JPH3: variants seen among roughly 807,000 people sequenced by gnomAD.
JPH3 encodes junctophilin 3, also known as junctophilin-3.
JPH3 carries 11 observed loss-of-function variants against 59.6 expected under a neutral mutation model. The observed-to-expected ratio is 0.18, with a 90% CI of 0.12 to 0.31. JPH3 has a LOEUF of 0.31. Among genes scored for constraint, JPH3 ranks in the 10% least tolerant of loss-of-function variants. JPH3 has a pLI of 1.00. For missense variants in JPH3, 1,202 were observed against 1,105.7 expected, an observed-to-expected ratio of 1.09 and a Z score of -1.24; for synonymous variants, 673 against 483.6, an observed-to-expected ratio of 1.39 and a Z score of -5.14.
Position 87,684,278 on chromosome 16 carries a change from C to T in JPH3, c.1285+12C>T, listed in dbSNP as rs73240194. The T allele has an allele frequency of 1.3e-3, 2,069 of 1,613,512 alleles. 26 individuals carry two copies. The African/African-American group carries it at 0.025, about 19-fold the overall frequency. On this transcript the variant is annotated intron_variant, in intron 3 of 4. Transcript: ENST00000284262. ...GCACCGGGAAAACGGTGAGTCTCGC[C>T]GGGCCTGATACTGGCATCGTGGGGA...
At chr16:87,638,471 A>T (rs988973042) in intron 1 of JPH3, among the ~76,000 whole-genome samples, 4 of 152,164 alleles carry the variant, frequency 2.6e-5, no homozygotes, top group African/African-American at 9.7e-5. Flanking sequence ...TGATCCACAG[A>T]CCAGGACTGT....
chr16:87,680,228 C>T (rs945788105), intron 2 of JPH3, among the ~76,000 whole-genome samples: 3 of 152,272 alleles, frequency 2.0e-5, no homozygotes, highest in Non-Finnish European at 4.4e-5. Context: ...TGCCTTGGAA[C>T]CCGCTTTGCT....
At chr16:87,639,255 C>G (rs928208590) in intron 1 of JPH3, among the ~76,000 whole-genome samples, 16 of 152,076 alleles carry the variant, frequency 1.1e-4, no homozygotes, top group Admixed American at 1.3e-4. Context: ...AGAGGTTAAC[C>G]CAGACATTCC....
chr16:87,608,306 C>T (rs1864150), intron 1 of JPH3, among the ~76,000 whole-genome samples: 69,494 of 152,156 alleles, frequency 0.46, 16,600 homozygotes, highest in African/African-American at 0.56. Flanking sequence ...CTAAATATGA[C>T]GAGCTCTCAA....
At chr16:87,683,649 C>G (rs2033348371) in intron 2 of JPH3, among the ~76,000 whole-genome samples, 1 of 150,966 alleles carries the variant, frequency 6.6e-6, no homozygotes, top group Non-Finnish European at 1.5e-5. Context: ...CTCTATTACC[C>G]AAGCTGGAGT....
At chr16:87,659,250 A>G (rs1191725430) in intron 2 of JPH3, among the ~76,000 whole-genome samples, 1 of 151,892 alleles carries the variant, frequency 6.6e-6, no homozygotes. Flanking sequence ...GGTGGCAGGC[A>G]CCTGTAATCC....
intron 2 of JPH3, among the ~76,000 whole-genome samples, chr16:87,660,690 G>A (rs1361522683): frequency 6.6e-6 from 1 of 152,200 alleles, no homozygotes; most frequent in African/African-American, 2.4e-5. Context: ...CCCACCAGCT[G>A]CCTCTTCCAC....
chr16:87,630,731 C>T lies in JPH3; in HGVS notation c.383-13527C>T, dbSNP rs551286705. Among the ~76,000 whole-genome samples, 5 of 152,254 alleles carry T rather than the reference C, an allele frequency of 3.3e-5. No homozygotes were observed. In the South Asian group the frequency reaches 1.0e-3, roughly 32 times the overall value. Reference sequence around the variant, plus strand: ...AATCATGTGTGTCTTCAGAGACTGACCACCATGTTTTTAAGTGGGTGTGTT... The same window carrying T: ...AATCATGTGTGTCTTCAGAGACTGATCACCATGTTTTTAAGTGGGTGTGTT... On this transcript the variant is annotated intron_variant, in intron 1 of 4. Coordinates refer to ENST00000284262, the MANE Select transcript of JPH3 (RefSeq NM_020655.4).
intron 2 of JPH3, among the ~76,000 whole-genome samples, chr16:87,662,510 TGTTTTCCAGGATGTTC>T (rs2032738341): frequency 6.6e-6 from 1 of 152,148 alleles, no homozygotes; most frequent in Non-Finnish European, 1.5e-5. Flanking sequence ...TGTCCTGATT[TGTTTTCCAGGATGTTC>T]GTTTTGGGGT....
At chr16:87,649,067 A>G (rs1006974056) in intron 2 of JPH3, among the ~76,000 whole-genome samples, 1 of 152,098 alleles carries the variant, frequency 6.6e-6, no homozygotes, top group Non-Finnish European at 1.5e-5. Context: ...GGCAGTGGAG[A>G]CGAGGGAGGG....
chr16:87,684,247 C>T lies in JPH3; in HGVS notation c.1266C>T (p.Ser422=). 3 of 1,614,026 alleles carry T rather than the reference C, an allele frequency of 1.9e-6. No individual in the cohort carries two copies. The highest frequency in any genetic ancestry group is 2.5e-6 in the Non-Finnish European group (3 of 1,180,012). The part of the protein sequence containing the change: ...ARITAKEFSP[S]FQHRENGLEY... ...TCACTGCCAAAGAGTTCTCCCCTTC[C>T]TTCCAGCACCGGGAAAACGGTGAGT... Residue 422 remains serine, a synonymous_variant, in exon 3 of 5, where the codon TCC becomes TCT. Transcript: ENST00000284262.
intron 2 of JPH3, among the ~76,000 whole-genome samples, chr16:87,652,752 G>T (rs1280775691): frequency 6.6e-6 from 1 of 152,254 alleles, no homozygotes; most frequent in Non-Finnish European, 1.5e-5. Context: ...CTGGCAGTCA[G>T]CAGGACTGTG....
At chr16:87,680,703 GGAGAACTGGGTGCCAGGCC>G (rs1301111589) in intron 2 of JPH3, among the ~76,000 whole-genome samples, 2 of 152,186 alleles carry the variant, frequency 1.3e-5, no homozygotes, top group East Asian at 3.8e-4. Context: ...ATTACCCCTT[GGAGAACTGGGTGCCAGGCC>G]GAGACCTGGT....
chr16:87,607,127 C>T (rs2030550671), intron 1 of JPH3, among the ~76,000 whole-genome samples: 3 of 152,202 alleles, frequency 2.0e-5, no homozygotes. Flanking sequence ...GTACAGTGGC[C>T]CAGAATTGCA....
chr16:87,625,417 C>T (rs946897226), intron 1 of JPH3, among the ~76,000 whole-genome samples: 5 of 152,204 alleles, frequency 3.3e-5, no homozygotes, highest in African/African-American at 1.2e-4. Context: ...CTGGGCCCAG[C>T]CCCATCATCA....
rs532139814 is a variant in JPH3 at position 87,603,066 on chromosome 16, C to T, written c.-81C>T. The T allele has an allele frequency of 3.8e-6, 6 of 1,576,676 alleles. No homozygotes were observed. The highest frequency in any genetic ancestry group is 2.3e-5 in the East Asian group (1 of 44,184). On this transcript the variant is annotated 5_prime_UTR_variant, in exon 1 of 5. Transcript: ENST00000284262. ...TCCGGAAAACGCTCGCGACCCAGGGCCGCCGGCGGCCGCGACTCTGCTGTG... is the reference window on the plus strand; with the variant it reads ...TCCGGAAAACGCTCGCGACCCAGGGTCGCCGGCGGCCGCGACTCTGCTGTG...
At chr16:87,693,518 T>C (rs1053856295) in intron 4 of JPH3, 11 of 152,166 alleles carry the variant, frequency 7.2e-5, no homozygotes, top group African/African-American at 2.7e-4. Context: ...CACTTAAAAA[T>C]ACAAAAATTA....
At chr16:87,604,253 C>T (rs967452223) in intron 1 of JPH3, 6 of 1,452,654 alleles carry the variant, frequency 4.1e-6, no homozygotes, top group Non-Finnish European at 5.5e-6. Context: ...CCACCGCATT[C>T]GGGGCAGAGC....
chr16:87,662,199 G>C (rs1431150401), intron 2 of JPH3, among the ~76,000 whole-genome samples: 2 of 152,204 alleles, frequency 1.3e-5, no homozygotes, highest in African/African-American at 4.8e-5. Flanking sequence ...GGGCTCTGCT[G>C]CTGTTTCTCT....
Sources: gnomAD v4.1 joint callset for allele counts (sites outside exome capture counted in the v4.1 genomes callset) on GRCh38, gnomAD v4.1.1 for gene constraint, MANE v1.5 for transcripts, NCBI Gene and HGNC (gene_info 2026-07-23, HGNC 2026-07-21) for gene names.